Variants in DOP1A observed in about 807,000 individuals in gnomAD.
The protein encoded by DOP1A is DOP1 leucine zipper like protein A.
A neutral mutation model predicts 267.6 loss-of-function variants in DOP1A; 90 were observed. The ratio of observed to expected loss-of-function variants is 0.34; its 90% CI spans 0.28 to 0.40. The LOEUF (loss-of-function observed/expected upper bound fraction) is 0.40. DOP1A is among the 10% of genes least tolerant of loss of function. DOP1A has a pLI of 1.00. For synonymous variants in DOP1A, 932 were observed against 999.1 expected (o/e 0.93, Z 1.27); for missense variants, 2,437 against 2,900.4 (o/e 0.84, Z 3.67).
chr6:83,153,459 A>G (rs982738398), intron 30 of DOP1A, 52 bp from the exon 31 acceptor site: 2 of 1,188,402 alleles, frequency 1.7e-6, no homozygotes, highest in South Asian at 3.0e-5. Flanking sequence ...GTACCTTGGG[A>G]TGATGTCAGT....
In DOP1A at chr6:83,121,943, A is replaced by G. The variant is rs970477243; in HGVS notation, c.1113A>G (p.Leu371=). Residue 371 remains leucine, a synonymous_variant, in exon 11 of 39, where the codon CTA becomes CTG. Transcript: ENST00000349129. ...LDKPELGPVI[L]EDVLIEVFRT... ...TATTAATTTTAGGACCTGTAATTCT[A>G]GAAGATGTCCTGATTGAAGTGTTTA... 1.2e-6 allele frequency: 2 copies of G among 1,603,358 alleles called. No homozygotes were observed. The highest frequency in any genetic ancestry group is 2.7e-5 in the African/African-American group (2 of 74,510).
intron 4 of DOP1A, among the ~76,000 whole-genome samples, chr6:83,107,211 T>G (rs1246676674): frequency 6.6e-6 from 1 of 152,044 alleles, no homozygotes; most frequent in Non-Finnish European, 1.5e-5. Context: ...TACATTTGTA[T>G]TAAAAAGCAA....
In DOP1A at chr6:83,100,806, T is replaced by C; in HGVS notation, c.240T>C (p.His80=). The C allele has an allele frequency of 6.3e-7, 1 of 1,596,020 alleles. No homozygotes were observed. The highest frequency in any genetic ancestry group is 8.5e-7 in the Non-Finnish European group (1 of 1,169,686). The part of the protein sequence containing the change: ...CLHPALPGGV[H]RKALETYEII... ...ATCCAGCATTACCAGGTGGAGTTCA[T>C]CGGAAGGCGCTTGAAACATATGAAA... Residue 80 remains histidine, a synonymous_variant, in exon 4 of 39, where the codon CAT becomes CAC. Transcript: ENST00000349129.
chr6:83,076,633 A>T (rs1199905981), intron 1 of DOP1A, among the ~76,000 whole-genome samples: 1 of 152,088 alleles, frequency 6.6e-6, no homozygotes, highest in Non-Finnish European at 1.5e-5. Flanking sequence ...TTTGGCAAGG[A>T]TGTAGGGAAA....
At chr6:83,120,537 G>A (rs1388217868) in intron 9 of DOP1A, 146 bp from the exon 10 acceptor site, 2 of 500,310 alleles carry the variant, frequency 4.0e-6, no homozygotes, top group Admixed American at 3.8e-5. Flanking sequence ...AGAGTAAGAA[G>A]GCCAAGGTTG....
rs1583175021 is a variant in DOP1A, at chr6:83,158,737, T to C, written c.6797+115T>C. On this transcript the variant is annotated intron_variant, in intron 36 of 38. Transcript: ENST00000349129. ...TTTTCTGAATACTTATTTATTATTA[T>C]CTAATTGATTACGTTTGGATATAAT... 6 of 731,344 alleles carry C rather than the reference T, an allele frequency of 8.2e-6. No individual in the cohort carries two copies. In the East Asian group the frequency reaches 1.7e-4, roughly 21 times the overall value. 45.3% of individuals were successfully genotyped at this position (731,344 alleles called of 1,614,324 possible).
Position 83,137,592 on chromosome 6 carries a change from T to G in DOP1A, c.3550T>G (p.Cys1184Gly). 6.2e-7 allele frequency: 1 copy of G among 1,613,834 alleles called. No homozygotes were observed. The highest frequency in any genetic ancestry group is 8.5e-7 in the Non-Finnish European group (1 of 1,179,848). ...QLEIEAMPPK[C>G]SDIDPDEETI... ...AGAAATTGAAGCTATGCCCCCAAAG[T>G]GCAGTGATATAGATCCAGATGAAGA... Residue 1184 changes from cysteine to glycine, a missense_variant, in exon 21 of 39, where the codon TGC (cysteine) becomes GGC (glycine). Physicochemically the swap from Cys to Gly is radical, Grantham distance 159. Around this residue, in one of 9 missense-constraint regions of DOP1A, gnomAD observed 878 missense variants for 992.9 expected, o/e 0.88. Transcript: ENST00000349129.
chr6:83,160,413 G>A (rs1336479541), intron 37 of DOP1A, among the ~76,000 whole-genome samples: 2 of 152,198 alleles, frequency 1.3e-5, no homozygotes, highest in East Asian at 3.8e-4. Flanking sequence ...TGGAGAGATT[G>A]GTATTGCTGG....
At chr6:83,146,171 G>C (rs1260000357) in intron 25 of DOP1A, among the ~76,000 whole-genome samples, 3 of 152,180 alleles carry the variant, frequency 2.0e-5, no homozygotes, top group African/African-American at 7.2e-5. Context: ...ACACATTGCT[G>C]TGTTTCTAGG....
intron 3 of DOP1A, among the ~76,000 whole-genome samples, chr6:83,100,337 T>A (rs959047597): frequency 6.6e-6 from 1 of 152,090 alleles, no homozygotes; most frequent in Non-Finnish European, 1.5e-5. Context: ...CAAAAATGGA[T>A]TGAAGGCTGT....
At chr6:83,165,267 A>G (rs1375022496) in intron 38 of DOP1A, 2 of 152,474 alleles carry the variant, frequency 1.3e-5, no homozygotes, top group African/African-American at 4.8e-5. Context: ...AGAAAGTTTT[A>G]TATATCCTGT....
intron 34 of DOP1A, 98 bp downstream of exon 34, chr6:83,156,201 A>G: frequency 1.1e-6 from 1 of 925,164 alleles, no homozygotes; most frequent in Non-Finnish European, 1.6e-6. Flanking sequence ...AAATATATCA[A>G]GTGTAGATCA....
At chr6:83,117,118 T>TA (rs1331440260) in intron 7 of DOP1A, among the ~76,000 whole-genome samples, 108 of 146,364 alleles carry the variant, frequency 7.4e-4, no homozygotes, top group African/African-American at 2.6e-3. Context: ...ATTTTAGTAC[T>TA]TTTTTATTTT....
intron 30 of DOP1A, among the ~76,000 whole-genome samples, 174 bp downstream of exon 30, chr6:83,152,541 T>C (rs967158998): frequency 1.3e-5 from 2 of 152,014 alleles, no homozygotes; most frequent in African/African-American, 4.8e-5. Context: ...ATTATTTAGT[T>C]TGCCAAACAT....
chr6:83,104,539 G>T (rs186574356), intron 4 of DOP1A, among the ~76,000 whole-genome samples: 1 of 151,834 alleles, frequency 6.6e-6, no homozygotes, highest in Admixed American at 6.6e-5. Flanking sequence ...AATTGTTCTC[G>T]TATTCTGTTC....
intron 28 of DOP1A, 98 bp from the exon 29 acceptor site, chr6:83,151,785 T>C (rs1489808816): frequency 1.4e-6 from 2 of 1,434,882 alleles, no homozygotes; most frequent in Non-Finnish European, 9.6e-7. Flanking sequence ...TCAACAAGTC[T>C]ATTGTAAAAT....
intron 7 of DOP1A, among the ~76,000 whole-genome samples, chr6:83,114,251 TCTTC>T (rs1323651403): frequency 6.6e-6 from 1 of 152,190 alleles, no homozygotes; most frequent in Non-Finnish European, 1.5e-5. Flanking sequence ...ATAATTCTAC[TCTTC>T]CTTGTCTATA....
At chr6:83,109,793 C>G (rs1445520174) in intron 5 of DOP1A, among the ~76,000 whole-genome samples, 15 of 152,220 alleles carry the variant, frequency 9.9e-5, no homozygotes, top group African/African-American at 3.6e-4. Flanking sequence ...TATTTTATTA[C>G]TTAGCGTACT....
At position 83,138,812 on chromosome 6, in the gene DOP1A, T is replaced by G. The variant is rs778388412; in HGVS notation, c.4770T>G (p.Ile1590Met). ...TTCTTAAGGTGCTTCAGAGGCTGAT[T>G]GTTCTAGAACACAGAGTAATGACTA... ...SQLLKVLQRL[I>M]VLEHRVMTIP... Residue 1590 changes from isoleucine (I) to methionine (M), a missense_variant, in exon 21 of 39, where the codon ATT becomes ATG. Physicochemically the swap from Ile to Met is conservative, Grantham distance 10. Coordinates refer to ENST00000349129, the MANE Select transcript of DOP1A (RefSeq NM_015018.4). 1 of 1,613,910 alleles carries G rather than the reference T, an allele frequency of 6.2e-7. No homozygotes were observed. Among genetic ancestry groups the G allele is most frequent in the Non-Finnish European group, 8.5e-7 (1 of 1,179,942 alleles).
Sources: gnomAD v4.1 joint callset for allele counts (sites outside exome capture counted in the v4.1 genomes callset) on GRCh38, gnomAD v4.1.1 for gene constraint, gnomAD v4.1.1 regional missense constraint, MANE v1.5 for transcripts, NCBI Gene and HGNC (gene_info 2026-07-23, HGNC 2026-07-21) for gene names.